CXADR: variants seen among roughly 807,000 people sequenced by gnomAD.
CXADR encodes the protein CXADR cell adhesion molecule, also known as coxsackievirus and adenovirus receptor.
A neutral mutation model predicts 40.3 loss-of-function variants in CXADR; 20 were observed. The ratio of observed to expected loss-of-function variants is 0.50; its 90% CI spans 0.35 to 0.72. The LOEUF is 0.72. CXADR is among the 30% of genes least tolerant of loss of function. The pLI, the probability that CXADR is intolerant of heterozygous loss-of-function variation, is 0.01. For synonymous variants in CXADR, 150 were observed against 161.3 expected, an observed-to-expected ratio of 0.93 and a Z score of 0.53; for missense variants, 332 against 449.1, an observed-to-expected ratio of 0.74 and a Z score of 2.36.
chr21:17,629,884 A>G, the CXADR span, among the ~76,000 whole-genome samples: 1 of 152,216 alleles, frequency 6.6e-6, no homozygotes, highest in African/African-American at 2.4e-5. Flanking sequence ...CTGCCTGTGG[A>G]GAAAGGTGAA....
downstream of CXADR, among the ~76,000 whole-genome samples, chr21:17,574,190 C>G (rs576677037): frequency 7.9e-5 from 12 of 152,274 alleles, no homozygotes; most frequent in African/African-American, 2.9e-4. Context: ...TCCCCACTTC[C>G]CCTTCAAAAG....
downstream of CXADR, among the ~76,000 whole-genome samples, chr21:17,595,754 T>C (rs960538057): frequency 2.6e-5 from 4 of 152,046 alleles, no homozygotes; most frequent in African/African-American, 4.8e-5. Context: ...TTAATTCTAA[T>C]AGAAGGCTTT....
At position 17,566,128 on chromosome 21, in the gene CXADR, C is replaced by T. The variant is rs1159134449; in HGVS notation, c.*436C>T. On this transcript the variant is annotated 3_prime_UTR_variant, in exon 7 of 7. Coordinates refer to ENST00000284878, the MANE Select transcript of CXADR (RefSeq NM_001338.5). ...ATTTATTTATGGCCCACCAGTCTCCCCCAAATTAGTACAGAAATATCCATG... is the reference window on the plus strand; with the variant it reads ...ATTTATTTATGGCCCACCAGTCTCCTCCAAATTAGTACAGAAATATCCATG... The T allele has an allele frequency of 2.0e-6, 2 of 984,622 alleles. No homozygotes were observed. The highest frequency in any genetic ancestry group is 2.4e-6 in the Non-Finnish European group (2 of 829,120). 61.0% of individuals were successfully genotyped at this position (984,622 alleles called of 1,614,324 possible).
At chr21:17,613,273 T>A in the CXADR span, 4 of 152,142 alleles carry the variant, frequency 2.6e-5, no homozygotes, top group Non-Finnish European at 5.9e-5. Flanking sequence ...CCTTTTTGTT[T>A]CCCCCTCAGG....
the CXADR span, among the ~76,000 whole-genome samples, chr21:17,603,240 T>G: frequency 1.3e-5 from 2 of 152,112 alleles, no homozygotes; most frequent in South Asian, 2.1e-4. Context: ...GTGGCCAAAG[T>G]TTTCCAAGTC....
At chr21:17,602,183 T>C in the CXADR span, among the ~76,000 whole-genome samples, 1 of 152,030 alleles carries the variant, frequency 6.6e-6, no homozygotes, top group Non-Finnish European at 1.5e-5. Context: ...TTGTAAAATA[T>C]GTTGAGTAGA....
chr21:17,544,372 C>T (rs1448491914), intron 1 of CXADR, among the ~76,000 whole-genome samples: 1 of 152,122 alleles, frequency 6.6e-6, no homozygotes, highest in Non-Finnish European at 1.5e-5. Context: ...TGGGCTGGAT[C>T]AGTGGGTTTG....
intron 4 of CXADR, among the ~76,000 whole-genome samples, chr21:17,559,698 C>T (rs2061087734): frequency 9.5e-6 from 1 of 105,590 alleles, no homozygotes. Flanking sequence ...TTTTCCGAGA[C>T]AAGGGGTCTC....
At chr21:17,536,204 A>G (rs1005244157) in intron 1 of CXADR, among the ~76,000 whole-genome samples, 2 of 152,160 alleles carry the variant, frequency 1.3e-5, no homozygotes, top group Admixed American at 1.3e-4. Context: ...GTGATTTTAG[A>G]GTATCCACAA....
At chr21:17,594,579 C>T (rs1054168248), downstream of CXADR, among the ~76,000 whole-genome samples, 2 of 152,000 alleles carry the variant, frequency 1.3e-5, no homozygotes, top group African/African-American at 2.4e-5. Flanking sequence ...TCCTAAACAA[C>T]TTCAACCAAA....
At chr21:17,592,980 A>T (rs1342380141) in intron 7 of CXADR, among the ~76,000 whole-genome samples, 1 of 151,978 alleles carries the variant, frequency 6.6e-6, no homozygotes, top group African/African-American at 2.4e-5. Flanking sequence ...AGCCATGGCC[A>T]TTCAATGATT....
the CXADR span, among the ~76,000 whole-genome samples, chr21:17,606,152 T>C: frequency 6.6e-6 from 1 of 152,204 alleles, no homozygotes; most frequent in Non-Finnish European, 1.5e-5. Flanking sequence ...ATTTCCTAAA[T>C]GCTTTGCATG....
intron 6 of CXADR, among the ~76,000 whole-genome samples, chr21:17,562,296 A>G (rs2061134293): frequency 6.6e-6 from 1 of 151,494 alleles, no homozygotes; most frequent in Non-Finnish European, 1.5e-5. Context: ...GGCTATGGCA[A>G]TTTCTTTCTT....
the CXADR span, among the ~76,000 whole-genome samples, chr21:17,609,932 TTACCA>T: frequency 3.9e-5 from 6 of 152,208 alleles, no homozygotes; most frequent in Non-Finnish European, 7.3e-5. Context: ...ATCTATATGT[TTACCA>T]ATTAAGGAAT....
At chr21:17,527,554 G>GC (rs1209373572) in intron 1 of CXADR, among the ~76,000 whole-genome samples, 3 of 152,252 alleles carry the variant, frequency 2.0e-5, no homozygotes, top group African/African-American at 7.2e-5. Flanking sequence ...AGTACTCTTG[G>GC]CAAGCTTAAA....
the CXADR span, among the ~76,000 whole-genome samples, chr21:17,599,376 C>T: frequency 1.3e-5 from 2 of 152,022 alleles, no homozygotes; most frequent in African/African-American, 2.4e-5. Flanking sequence ...GACAGGGTTT[C>T]ACCATGTTGC....
chr21:17,615,588 A>C, the CXADR span, among the ~76,000 whole-genome samples: 1 of 152,330 alleles, frequency 6.6e-6, no homozygotes, highest in East Asian at 1.9e-4. Flanking sequence ...CTCTCAAAAT[A>C]TCTTATTGTA....
Position 17,565,749 on chromosome 21 carries a change from A to AAAACCTATG in CXADR, c.*65_*66insGAAACCTAT. 1 of 1,568,240 alleles carries AAAACCTATG rather than the reference A, an allele frequency of 6.4e-7. No homozygotes were observed. The highest frequency in any genetic ancestry group is 1.8e-5 in the Admixed American group (1 of 54,332). On this transcript the variant is annotated 3_prime_UTR_variant, in exon 7 of 7. Coordinates refer to ENST00000284878, the MANE Select transcript of CXADR (RefSeq NM_001338.5). ...GTTCCTTTCCTTTTTTTGATATATG[A>AAAACCTATG]AAACCTATTCTGGTCTAAATTGTGT... is the stretch of plus-strand genomic sequence containing the variant.
intron 7 of CXADR, among the ~76,000 whole-genome samples, chr21:17,592,026 A>ATCT (rs1200637874): frequency 6.6e-6 from 1 of 151,842 alleles, no homozygotes; most frequent in Non-Finnish European, 1.5e-5. Flanking sequence ...CACTGGCAGA[A>ATCT]TCTTCTATGA....
Sources: allele counts gnomAD v4.1 joint callset (sites outside exome capture counted in the v4.1 genomes callset), GRCh38; gene constraint gnomAD v4.1.1; transcripts MANE v1.5; gene names NCBI Gene and HGNC (gene_info 2026-07-23, HGNC 2026-07-21).